GALNS: variants seen among roughly 807,000 people sequenced by gnomAD.
GALNS encodes galactosamine (N-acetyl)-6-sulfatase.
GALNS carries 65 observed loss-of-function variants against 65.9 expected under a neutral mutation model. The ratio of observed to expected loss-of-function variants is 0.99; its 90% CI spans 0.81 to 1.21. GALNS has a LOEUF of 1.21. Ranked by LOEUF, GALNS falls within the 50% of genes most tolerant of loss-of-function variation. The pLI is 0.00. For missense variants in GALNS, 776 were observed against 700.7 expected (o/e 1.11, Z -1.21); for synonymous variants, 346 against 288.9 (o/e 1.20, Z -2.00).
At position 88,817,891 on chromosome 16, in the gene GALNS, C is replaced by T. The variant is rs77742383; in HGVS notation, c.1482+116G>A. The T allele has an allele frequency of 0.016, 14,151 of 906,898 alleles. 152 individuals are homozygous for T. The highest frequency in any genetic ancestry group is 0.03 in the African/African-American group (1,823 of 60,826). 56.2% of individuals were successfully genotyped at this position (906,898 alleles called of 1,614,324 possible). A position where few individuals can be genotyped will look rare whatever the true frequency, so the allele number is the denominator to read the frequency against. On this transcript the variant is annotated intron_variant, in intron 13 of 13. Transcript: ENST00000268695. ...TGAGGCACGAGGGCCTCACCACTGA[C>T]GGAGGCGGGGAAGCACGCCTGCCTC...
rs1195847225 is a variant in GALNS, at chr16:88,814,125, G to A, written c.*314C>T. 4.3e-6 allele frequency: 2 copies of A among 465,956 alleles called. No homozygotes were observed. Among genetic ancestry groups the A allele is most frequent in the East Asian group, 8.5e-5 (2 of 23,596 alleles). The allele number at this position is 465,956 out of a possible 1,614,324, so 28.9% of individuals were successfully genotyped here. ...CTGTCACAGGTGCATCCTTAACCTTGGCAAAATAAACTGAGACTGGTCTCA... is the reference window on the plus strand; with the variant it reads ...CTGTCACAGGTGCATCCTTAACCTTAGCAAAATAAACTGAGACTGGTCTCA... On this transcript the variant is annotated 3_prime_UTR_variant, in exon 14 of 14. Coordinates refer to ENST00000268695, the MANE Select transcript of GALNS (RefSeq NM_000512.5).
At chr16:88,837,548 G>C in intron 5 of GALNS, 74 bp downstream of exon 5, 1 of 1,488,006 alleles carries the variant, frequency 6.7e-7, no homozygotes, top group South Asian at 1.1e-5. Flanking sequence ...GCCCACCAGT[G>C]CTAGAGGCGG....
At chr16:88,855,927 G>A (rs1240594339) in intron 1 of GALNS, 14 of 551,106 alleles carry the variant, frequency 2.5e-5, no homozygotes, top group South Asian at 2.3e-4. Flanking sequence ...CACACACAAC[G>A]TGAGCACGGC....
At chr16:88,845,336 G>C (rs951512435) in intron 1 of GALNS, 17 of 152,056 alleles carry the variant, frequency 1.1e-4, no homozygotes, top group Admixed American at 2.0e-4. Flanking sequence ...GGGCAACAGA[G>C]GGAGACTCCG....
At chr16:88,838,235 C>G (rs970561252) in intron 4 of GALNS, among the ~76,000 whole-genome samples, 4 of 152,204 alleles carry the variant, frequency 2.6e-5, no homozygotes, top group Admixed American at 1.3e-4. Context: ...CACACCGAGG[C>G]GCTCAGAGTC....
intron 5 of GALNS, among the ~76,000 whole-genome samples, chr16:88,836,823 A>G (rs911037915): frequency 7.2e-5 from 11 of 152,132 alleles, no homozygotes; most frequent in Admixed American, 7.2e-4. Flanking sequence ...GGCTGAGGGC[A>G]CGACACCAAG....
intron 11 of GALNS, among the ~76,000 whole-genome samples, chr16:88,823,260 T>G (rs1047100480): frequency 2.0e-5 from 3 of 152,064 alleles, no homozygotes; most frequent in South Asian, 2.1e-4. Flanking sequence ...AGGACCAACA[T>G]GTGAAAGGCA....
intron 13 of GALNS, chr16:88,815,326 C>A (rs1909511109): frequency 1.0e-6 from 1 of 985,372 alleles, no homozygotes; most frequent in East Asian, 1.1e-4. Flanking sequence ...CAGGAGGGCC[C>A]ACCCTGAGCT....
intron 1 of GALNS, chr16:88,843,572 CCTTA>C (rs1183127037): frequency 4.5e-6 from 1 of 223,586 alleles, no homozygotes; most frequent in Non-Finnish European, 9.2e-6. Context: ...ATGACTGGGC[CCTTA>C]GAGACGCAGA....
intron 1 of GALNS, among the ~76,000 whole-genome samples, chr16:88,848,025 G>T (rs1024586236): frequency 6.6e-6 from 1 of 152,242 alleles, no homozygotes; most frequent in African/African-American, 2.4e-5. Context: ...GAAAAGGAAT[G>T]GAGTCCTCAC....
At chr16:88,850,846 T>C (rs1420296604) in intron 1 of GALNS, among the ~76,000 whole-genome samples, 2 of 152,256 alleles carry the variant, frequency 1.3e-5, no homozygotes, top group Admixed American at 6.5e-5. Flanking sequence ...AGACTCTTTA[T>C]GCCCAGAAGG....
At chr16:88,826,592 C>T (rs2142995682) in intron 10 of GALNS, 110 bp downstream of exon 10, 1 of 1,352,820 alleles carries the variant, frequency 7.4e-7, no homozygotes. Flanking sequence ...ACGAGCACGC[C>T]TGTGTCCAGA....
At chr16:88,838,243 G>A (rs1289308054) in intron 4 of GALNS, among the ~76,000 whole-genome samples, 1 of 152,222 alleles carries the variant, frequency 6.6e-6, no homozygotes, top group South Asian at 2.1e-4. Context: ...GGCGCTCAGA[G>A]TCTCATCTCC....
rs1967001531 is a variant in GALNS at position 88,842,065 on chromosome 16, G to A, written c.245-94C>T. ...AGCCCCAACGAGTAGACAGACGCGT[G>A]ACAGACGAGGCACGCGCAGGTTTAC... On this transcript the variant is annotated intron_variant, in intron 2 of 13. Transcript: ENST00000268695. 8.2e-6 allele frequency: 9 copies of A among 1,099,736 alleles called. No homozygotes were observed. The South Asian group carries it at 9.3e-5, about 11-fold the overall frequency. 68.1% of individuals were successfully genotyped at this position (1,099,736 alleles called of 1,614,324 possible).
intron 10 of GALNS, 57 bp from the exon 11 acceptor site, chr16:88,824,926 T>G (rs1567519428): frequency 1.4e-6 from 2 of 1,414,176 alleles, no homozygotes; most frequent in Non-Finnish European, 2.0e-6. Flanking sequence ...TGGGGCCACC[T>G]GGAGGCTCTG....
At chr16:88,855,371 C>T (rs546808095) in intron 1 of GALNS, 2 of 702,532 alleles carry the variant, frequency 2.8e-6, no homozygotes, top group East Asian at 2.7e-5. Context: ...AGTATCTACA[C>T]TGGCCCAGAG....
intron 10 of GALNS, among the ~76,000 whole-genome samples, chr16:88,825,561 A>G (rs2880121): frequency 3.1e-4 from 14 of 45,618 alleles, no homozygotes; most frequent in South Asian, 1.0e-3. Flanking sequence ...GGTGTCCGGG[A>G]CTGGGATTCC....
chr16:88,850,653 G>C (rs111968676), intron 1 of GALNS, among the ~76,000 whole-genome samples: 1 of 152,142 alleles, frequency 6.6e-6, no homozygotes, highest in Non-Finnish European at 1.5e-5. Context: ...TCAGCCAGGG[G>C]AGAAGGTGCG....
chr16:88,853,235 G>C (rs978858700), intron 1 of GALNS, among the ~76,000 whole-genome samples: 12 of 121,254 alleles, frequency 9.9e-5, no homozygotes, highest in African/African-American at 2.9e-4. Flanking sequence ...TGGGTGACCA[G>C]AGTGAGACTC....
Sources: allele counts gnomAD v4.1 joint callset (sites outside exome capture counted in the v4.1 genomes callset), GRCh38; gene constraint gnomAD v4.1.1; transcripts MANE v1.5; gene names NCBI Gene and HGNC (gene_info 2026-07-23, HGNC 2026-07-21).